PDE11A: variants seen among roughly 807,000 people sequenced by gnomAD.
The protein encoded by PDE11A is phosphodiesterase 11A, also known as dual 3',5'-cyclic-AMP and -GMP phosphodiesterase 11A.
A neutral mutation model predicts 100.5 loss-of-function variants in PDE11A; 100 were observed. The observed-to-expected ratio is 1.00, with a 90% CI of 0.85 to 1.18. The LOEUF is 1.18. Ranked by LOEUF, PDE11A falls within the 50% of genes most tolerant of loss-of-function variation. PDE11A has a pLI of 0.00. For missense variants in PDE11A, 1,141 were observed against 1,152.6 expected (o/e 0.99, Z 0.15); for synonymous variants, 381 against 420.8 (o/e 0.91, Z 1.16).
intron 1 of PDE11A, among the ~76,000 whole-genome samples, chr2:178,059,128 C>A (rs1219292538): frequency 6.6e-6 from 1 of 152,216 alleles, no homozygotes; most frequent in Non-Finnish European, 1.5e-5. Context: ...TACAGTCCAG[C>A]CTCCTGATGG....
At chr2:177,858,086 A>C (rs531540936) in intron 5 of PDE11A, among the ~76,000 whole-genome samples, 6 of 151,898 alleles carry the variant, frequency 4.0e-5, no homozygotes, top group African/African-American at 1.5e-4. Flanking sequence ...ACACCTTATA[A>C]AAAATTAATT....
intron 5 of PDE11A, among the ~76,000 whole-genome samples, chr2:177,846,387 A>C (rs1210056601): frequency 6.6e-6 from 1 of 152,250 alleles, no homozygotes; most frequent in African/African-American, 2.4e-5. Flanking sequence ...CAAATTCTGC[A>C]CATGACAGTA....
intron 4 of PDE11A, among the ~76,000 whole-genome samples, chr2:177,884,782 A>C (rs945820234): frequency 6.6e-6 from 1 of 152,218 alleles, no homozygotes; most frequent in Non-Finnish European, 1.5e-5. Flanking sequence ...AAAATGTCCT[A>C]GTGAGAGATC....
chr2:178,034,211 C>A (rs1320542949), intron 1 of PDE11A, among the ~76,000 whole-genome samples: 1 of 152,012 alleles, frequency 6.6e-6, no homozygotes, highest in African/African-American at 2.4e-5. Context: ...ATTTACCAAG[C>A]AAATGGAAAG....
At chr2:177,698,974 A>T (rs1485197568) in intron 14 of PDE11A, among the ~76,000 whole-genome samples, 1 of 152,240 alleles carries the variant, frequency 6.6e-6, no homozygotes, top group Non-Finnish European at 1.5e-5. Context: ...AGCATTTAAG[A>T]GCAAGTTACA....
At chr2:178,090,290 A>G (rs1263644515) in intron 2 of PDE11A, among the ~76,000 whole-genome samples, 1 of 152,216 alleles carries the variant, frequency 6.6e-6, no homozygotes, top group African/African-American at 2.4e-5. Flanking sequence ...ACAATAAAGT[A>G]TTTTACTTAT....
At chr2:177,930,039 G>A (rs1422202206) in intron 2 of PDE11A, among the ~76,000 whole-genome samples, 1 of 152,182 alleles carries the variant, frequency 6.6e-6, no homozygotes. Context: ...GTCAGTATCT[G>A]TATGTGATTT....
chr2:177,724,973 C>T (rs2105443914), intron 12 of PDE11A, among the ~76,000 whole-genome samples: 1 of 151,946 alleles, frequency 6.6e-6, no homozygotes, highest in Admixed American at 6.6e-5. Context: ...TCTTTTTTCC[C>T]CCCAGATTAA....
At chr2:177,687,495 T>C (rs997499246) in intron 15 of PDE11A, 2 of 152,250 alleles carry the variant, frequency 1.3e-5, no homozygotes, top group African/African-American at 4.8e-5. Context: ...TGTTGTTATA[T>C]ATAATTCTAG....
chr2:178,003,691 C>T (rs1361526141), intron 2 of PDE11A, among the ~76,000 whole-genome samples: 3 of 152,068 alleles, frequency 2.0e-5, no homozygotes, highest in Non-Finnish European at 4.4e-5. Flanking sequence ...TACTAAAAAC[C>T]ACTGAATTAA....
chr2:178,021,419 T>C (rs1465926349), intron 1 of PDE11A, among the ~76,000 whole-genome samples: 2 of 152,208 alleles, frequency 1.3e-5, no homozygotes, highest in African/African-American at 4.8e-5. Context: ...GATACAATTA[T>C]GTACTTTCTT....
chr2:177,877,781 G>T (rs373625136), intron 4 of PDE11A, among the ~76,000 whole-genome samples: 2 of 152,018 alleles, frequency 1.3e-5, no homozygotes, highest in African/African-American at 4.8e-5. Context: ...CCTTTTCTGA[G>T]CCCCAATACC....
chr2:177,778,471 A>C (rs1298791554), intron 9 of PDE11A, among the ~76,000 whole-genome samples: 1 of 152,218 alleles, frequency 6.6e-6, no homozygotes, highest in African/African-American at 2.4e-5. Context: ...TCTCAGGCAC[A>C]AAAGGGCTGC....
chr2:177,776,871 G>A (rs2082385015), intron 9 of PDE11A, among the ~76,000 whole-genome samples: 1 of 152,118 alleles, frequency 6.6e-6, no homozygotes. Context: ...TTCCCATAAT[G>A]TCTATATGTC....
intron 13 of PDE11A, among the ~76,000 whole-genome samples, chr2:177,703,835 C>G (rs1324684340): frequency 6.6e-6 from 1 of 152,196 alleles, no homozygotes; most frequent in Non-Finnish European, 1.5e-5. Context: ...TTCTGAGGCA[C>G]TGCTCCTTCC....
chr2:178,016,401 A>C lies in PDE11A; in HGVS notation c.913-1941T>G, dbSNP rs538212053. Among the ~76,000 whole-genome samples the C allele has an allele frequency of 1.3e-3, 202 of 152,050 alleles. 1 individual carries two copies. The highest frequency in any genetic ancestry group is 2.6e-3 in the Non-Finnish European group (178 of 67,968). The stretch of plus-strand genomic sequence containing the variant: ...AGAGGGAAATCAAAACCCAAACAAA[A>C]CCAAATCTCCTGCTCAAAATAAGTA... On this transcript the variant is annotated intron_variant, in intron 1 of 19. Transcript: ENST00000286063.
chr2:177,971,376 G>A (rs2085768575), intron 2 of PDE11A, among the ~76,000 whole-genome samples: 2 of 152,142 alleles, frequency 1.3e-5, no homozygotes, highest in Admixed American at 6.5e-5. Context: ...AACTCATGAG[G>A]GCTAAGTGAC....
At chr2:177,675,277 AGG>A (rs397871371) in intron 17 of PDE11A, among the ~76,000 whole-genome samples, 176 bp downstream of exon 17, 1 of 149,454 alleles carries the variant, frequency 6.7e-6, no homozygotes. Flanking sequence ...AAAAAAAAAA[AGG>A]GCTGTGCAAT....
chr2:178,056,217 T>C (rs2086897726), intron 1 of PDE11A, among the ~76,000 whole-genome samples: 1 of 152,160 alleles, frequency 6.6e-6, no homozygotes, highest in Non-Finnish European at 1.5e-5. Context: ...ACATCCTTCC[T>C]GGTGGATTCA....
Sources: gnomAD v4.1 joint callset for allele counts (sites outside exome capture counted in the v4.1 genomes callset) on GRCh38, gnomAD v4.1.1 for gene constraint, MANE v1.5 for transcripts, NCBI Gene and HGNC (gene_info 2026-07-23, HGNC 2026-07-21) for gene names.